SPAG16: variants seen among roughly 807,000 people sequenced by gnomAD.
SPAG16 encodes the protein sperm associated antigen 16, also known as sperm-associated antigen 16 protein.
A neutral mutation model predicts 80.4 loss-of-function variants in SPAG16; 86 were observed. That is an observed-to-expected ratio of 1.07 (90% CI 0.90 to 1.28). The LOEUF (loss-of-function observed/expected upper bound fraction) is 1.28. SPAG16 is among the 50% of genes most tolerant of loss of function. SPAG16 has a pLI of 0.00. For missense variants in SPAG16, 870 were observed against 765.3 expected (o/e 1.14, Z -1.61); for synonymous variants, 294 against 265.9 (o/e 1.11, Z -1.03).
At chr2:213,891,313 T>C (rs1343741848) in intron 11 of SPAG16, among the ~76,000 whole-genome samples, 2 of 152,084 alleles carry the variant, frequency 1.3e-5, no homozygotes, top group Non-Finnish European at 2.9e-5. Context: ...TCCTATTATA[T>C]TAAGGATGAG....
At chr2:213,666,888 T>TTATAGAATGGAAATATTATTATTTCC (rs1326031833) in intron 10 of SPAG16, among the ~76,000 whole-genome samples, 16 of 152,158 alleles carry the variant, frequency 1.1e-4, no homozygotes, top group Non-Finnish European at 1.9e-4. Context: ...ACATTCTAAA[T>TTATAGAATGGAAATATTATTATTTCC]ATTCTAAAAT....
rs917480749 is a variant in SPAG16 at position 214,014,186 on chromosome 2, G to A, written c.1527+109G>A. The A allele has an allele frequency of 1.8e-5, 25 of 1,368,474 alleles. No individual in the cohort carries two copies. In the East Asian group the frequency reaches 5.2e-4, roughly 28 times the overall value. The allele number at this position is 1,368,474 out of a possible 1,614,324, so 84.8% of individuals were successfully genotyped here. A position where few individuals can be genotyped will look rare whatever the true frequency, so the allele number is the denominator to read the frequency against. ...AAAAGTGATTGTGCAAGGGCATTCAGGGCAAAAGAACAGTAAAAAGTTCAT... is the reference window on the plus strand; with the variant it reads ...AAAAGTGATTGTGCAAGGGCATTCAAGGCAAAAGAACAGTAAAAAGTTCAT... On this transcript the variant is annotated intron_variant, in intron 13 of 15. Transcript: ENST00000331683.
intron 11 of SPAG16, chr2:213,924,118 G>C (rs1267243491): frequency 6.6e-6 from 1 of 152,498 alleles, no homozygotes; most frequent in Admixed American, 6.5e-5. Flanking sequence ...ATCTGGCAAG[G>C]GGGTGGGTGG....
Position 213,342,642 on chromosome 2 carries a change from ATAT to A in SPAG16, c.644+2377_644+2379del, listed in dbSNP as rs1231899444. 2.0e-5 allele frequency among the ~76,000 whole-genome samples: 3 copies of A among 152,126 alleles called. 1 individual carries two copies. The highest frequency in any genetic ancestry group is 4.1e-4 in the South Asian group (2 of 4,830). ...CTGTTTTAATTATTAATGGAATAAA[ATAT>A]TATTCTTTTGGAGGACTTTTGGGGA... On this transcript the variant is annotated intron_variant, in intron 6 of 15. Coordinates refer to ENST00000331683, the MANE Select transcript of SPAG16 (RefSeq NM_024532.5).
chr2:214,159,355 C>T (rs1306856426), intron 15 of SPAG16, among the ~76,000 whole-genome samples: 2 of 151,944 alleles, frequency 1.3e-5, no homozygotes, highest in South Asian at 2.1e-4. Context: ...ATTTGCAGTG[C>T]ACACATACTG....
intron 1 of SPAG16, among the ~76,000 whole-genome samples, chr2:213,289,161 C>T (rs921764318): frequency 4.6e-5 from 7 of 152,152 alleles, no homozygotes; most frequent in African/African-American, 1.7e-4. Context: ...CCTGGTGCTG[C>T]GGTTGCTGCT....
chr2:213,770,463 A>C (rs1056025459), intron 10 of SPAG16, among the ~76,000 whole-genome samples: 2 of 152,124 alleles, frequency 1.3e-5, no homozygotes, highest in Admixed American at 1.3e-4. Flanking sequence ...TTTAAATTTA[A>C]TTTAATTTTA....
chr2:213,319,970 TAAAATC>T (rs2126143917), intron 5 of SPAG16, among the ~76,000 whole-genome samples: 2 of 152,110 alleles, frequency 1.3e-5, no homozygotes, highest in Non-Finnish European at 2.9e-5. Context: ...CAATAGAACT[TAAAATC>T]TAAAAAATTA....
intron 8 of SPAG16, among the ~76,000 whole-genome samples, chr2:213,371,502 C>T (rs985904469): frequency 6.6e-6 from 1 of 151,284 alleles, no homozygotes; most frequent in South Asian, 2.1e-4. Context: ...CTTCCTCCCG[C>T]TTTACTTGCT....
intron 10 of SPAG16, among the ~76,000 whole-genome samples, chr2:213,533,510 T>G (rs2076143516): frequency 6.6e-6 from 1 of 152,190 alleles, no homozygotes; most frequent in Non-Finnish European, 1.5e-5. Context: ...CCTGCAACAT[T>G]TGACATCCTC....
chr2:214,036,131 A>T (rs758078479), intron 13 of SPAG16, among the ~76,000 whole-genome samples: 1 of 152,160 alleles, frequency 6.6e-6, no homozygotes, highest in African/African-American at 2.4e-5. Flanking sequence ...CATTTATATC[A>T]GTGGATTAAT....
Position 214,046,642 on chromosome 2 carries a change from T to C in SPAG16, c.1527+32565T>C, listed in dbSNP as rs530007683. Among the ~76,000 whole-genome samples, 293 of 152,274 alleles carry C rather than the reference T, an allele frequency of 1.9e-3. 2 individuals carry two copies. Among genetic ancestry groups the C allele is most frequent in the Non-Finnish European group, 2.0e-3 (136 of 68,008 alleles). On this transcript the variant is annotated intron_variant, in intron 13 of 15. Transcript: ENST00000331683. ...TCTAAGATGAGGAACATGACAAGGATGCCTACTTTCACCGTTATTCAACAT... is the reference window on the plus strand; with the variant it reads ...TCTAAGATGAGGAACATGACAAGGACGCCTACTTTCACCGTTATTCAACAT...
chr2:213,327,865 G>A (rs1212726442), intron 5 of SPAG16, among the ~76,000 whole-genome samples: 2 of 152,116 alleles, frequency 1.3e-5, no homozygotes, highest in Non-Finnish European at 2.9e-5. Context: ...GCAGTATTAT[G>A]AAATGATGAT....
intron 11 of SPAG16, among the ~76,000 whole-genome samples, chr2:213,928,821 C>A (rs948682743): frequency 4.6e-5 from 7 of 151,118 alleles, no homozygotes; most frequent in African/African-American, 1.7e-4. Context: ...AGAGAAAGTA[C>A]CTAAGAGAAC....
At chr2:214,195,463 C>T (rs1018243700) in intron 15 of SPAG16, among the ~76,000 whole-genome samples, 1 of 151,954 alleles carries the variant, frequency 6.6e-6, no homozygotes, top group Non-Finnish European at 1.5e-5. Flanking sequence ...TATGAGGAGA[C>T]CACTGATGGG....
chr2:214,050,512 C>A (rs777711240), intron 13 of SPAG16, among the ~76,000 whole-genome samples: 2 of 144,810 alleles, frequency 1.4e-5, no homozygotes, highest in African/African-American at 2.6e-5. Flanking sequence ...AAGAACTTAA[C>A]GTAATTCATA....
At chr2:214,264,786 T>A (rs966455977) in intron 15 of SPAG16, among the ~76,000 whole-genome samples, 1 of 152,156 alleles carries the variant, frequency 6.6e-6, no homozygotes, top group African/African-American at 2.4e-5. Context: ...CCCTTCTTCT[T>A]CCTTCCTCCT....
intron 10 of SPAG16, among the ~76,000 whole-genome samples, chr2:213,671,780 G>T (rs552457774): frequency 6.6e-6 from 1 of 150,830 alleles, no homozygotes; most frequent in East Asian, 1.9e-4. Context: ...CTGTGAGCAG[G>T]GCACGTTCAT....
At chr2:213,466,931 G>C (rs112902576) in intron 9 of SPAG16, among the ~76,000 whole-genome samples, 2,979 of 152,234 alleles carry the variant, frequency 0.02, 42 homozygotes, top group Middle Eastern at 0.051. Flanking sequence ...TGAGAGGCAG[G>C]GTATAGTGGT....
Sources: gnomAD v4.1 joint callset for allele counts (sites outside exome capture counted in the v4.1 genomes callset) on GRCh38, gnomAD v4.1.1 for gene constraint, MANE v1.5 for transcripts, NCBI Gene and HGNC (gene_info 2026-07-23, HGNC 2026-07-21) for gene names.